Variants in EPS8L1 observed in about 807,000 individuals in gnomAD.
The protein encoded by EPS8L1 is epidermal growth factor receptor kinase substrate 8-like protein 1.
A neutral mutation model predicts 91.7 loss-of-function variants in EPS8L1; 101 were observed. The ratio of observed to expected loss-of-function variants is 1.10; its 90% CI spans 0.94 to 1.30. EPS8L1 has a LOEUF of 1.30. Ranked by LOEUF, EPS8L1 falls within the 50% of genes most tolerant of loss-of-function variation. The pLI is 0.00. For synonymous variants in EPS8L1, 506 were observed against 445.3 expected (o/e 1.14, Z -1.72); for missense variants, 1,114 against 1,017.0 (o/e 1.10, Z -1.30).
chr19:55,077,180 C>T (rs1187756384), intron 2 of EPS8L1, among the ~76,000 whole-genome samples: 7 of 152,164 alleles, frequency 4.6e-5, no homozygotes, highest in South Asian at 2.1e-4. Context: ...AAATTGAGGA[C>T]GGGAGGAGAC....
chr19:55,082,364 A>T lies in EPS8L1; in HGVS notation c.1065+15A>T. 6.2e-7 allele frequency: 1 copy of T among 1,612,598 alleles called. No individual in the cohort carries two copies. The highest frequency in any genetic ancestry group is 8.5e-7 in the Non-Finnish European group (1 of 1,179,798). On this transcript the variant is annotated intron_variant, in intron 11 of 19. Transcript: ENST00000201647. ...CTCTGCAGATGGTGAGACCCGCCCCAGGCCCTCGGGCCCCCCTGCAGCGGG... is the reference window on the plus strand; with the variant it reads ...CTCTGCAGATGGTGAGACCCGCCCCTGGCCCTCGGGCCCCCCTGCAGCGGG...
chr19:55,085,936 G>A lies in EPS8L1; in HGVS notation c.1481G>A (p.Ser494Asn). 1 of 1,613,728 alleles carries A rather than the reference G, an allele frequency of 6.2e-7. No homozygotes were observed. Among genetic ancestry groups the A allele is most frequent in the Non-Finnish European group, 8.5e-7 (1 of 1,179,708 alleles). ...LCNYDFQARNSSELSVKQRDV... is the reference protein window; with the variant it reads ...LCNYDFQARNNSELSVKQRDV... ...AATTATGACTTCCAGGCCCGCAACA[G>A]CAGTGAGCTGTCGGTCAAGCAGCGG... Residue 494 changes from serine (S) to asparagine (N), a missense_variant, in exon 15 of 20, where the codon AGC becomes AAC. Transcript: ENST00000201647.
intron 6 of EPS8L1, 171 bp downstream of exon 6, chr19:55,080,449 G>T: frequency 6.2e-7 from 1 of 1,611,480 alleles, no homozygotes; most frequent in Non-Finnish European, 8.5e-7. Flanking sequence ...TGGGGTTTGA[G>T]ATTGGACCCA....
chr19:55,086,691 A>G (rs746254398), intron 17 of EPS8L1, 23 bp from the exon 18 acceptor site: 55 of 1,497,510 alleles, frequency 3.7e-5, no homozygotes, highest in Admixed American at 1.5e-4. Context: ...CGCACTCCCT[A>G]CCTCCCGGTT....
At position 55,087,435 on chromosome 19, in the gene EPS8L1, G is replaced by T. The variant is rs771016968; in HGVS notation, c.2085G>T (p.Glu695Asp). ...TCACCGTGCAGCGCTCGCTGCTGGAGGTGAGCCGGACCGCTGGTCCCTGGG... is the reference window on the plus strand; with the variant it reads ...TCACCGTGCAGCGCTCGCTGCTGGATGTGAGCCGGACCGCTGGTCCCTGGG... ...SQVTVQRSLL[E>D]DKEKVSELEA... Residue 695 changes from glutamate (E) to aspartate (D), a missense_variant and splice_region_variant, in exon 19 of 20, where the codon GAG (glutamate) becomes GAT (aspartate). Physicochemically the swap from Glu to Asp is conservative, Grantham distance 45. Coordinates refer to ENST00000201647, the MANE Select transcript of EPS8L1 (RefSeq NM_133180.3). 1.2e-6 allele frequency: 2 copies of T among 1,614,040 alleles called. No homozygotes were observed. The highest frequency in any genetic ancestry group is 1.7e-6 in the Non-Finnish European group (2 of 1,180,024).
intron 4 of EPS8L1, 150 bp downstream of exon 4, chr19:55,079,207 C>T (rs1186207663): frequency 1.3e-6 from 1 of 774,488 alleles, no homozygotes; most frequent in Non-Finnish European, 2.2e-6. Context: ...GTTGCCTCAC[C>T]TCAGTCATGG....
Position 55,086,010 on chromosome 19 carries a change from C to T in EPS8L1, c.1518+37C>T, listed in dbSNP as rs754460890. ...GGGAGGCTGAGGGGCAGGAATTAGC[C>T]AGCCCTAGCTGCAGACAGGCTCTGA... On this transcript the variant is annotated intron_variant, in intron 15 of 19. Coordinates refer to ENST00000201647, the MANE Select transcript of EPS8L1 (RefSeq NM_133180.3). 3 of 1,602,304 alleles carry T rather than the reference C, an allele frequency of 1.9e-6. No individual in the cohort carries two copies. In the African/African-American group the frequency reaches 4.0e-5, roughly 21 times the overall value.
At position 55,086,835 on chromosome 19, in the gene EPS8L1, C is replaced by T. The variant is rs1220562906; in HGVS notation, c.1899C>T (p.Gly633=). Residue 633 remains glycine, a synonymous_variant, in exon 18 of 20, where the codon GGC becomes GGT. Coordinates refer to ENST00000201647, the MANE Select transcript of EPS8L1 (RefSeq NM_133180.3). ...CCCCGGAACCGCAGCTCAGCCCGGG[C>T]TCGGACGCCTCCGAGGTCCGCGCCT... ...PRAPEPQLSP[G]SDASEVRAWL... 5.2e-6 allele frequency: 8 copies of T among 1,539,408 alleles called. No individual in the cohort carries two copies. The highest frequency in any genetic ancestry group is 2.1e-5 in the Admixed American group (1 of 47,944).
intron 3 of EPS8L1, 77 bp from the exon 4 acceptor site, chr19:55,078,922 G>A (rs994321498): frequency 6.8e-7 from 1 of 1,473,354 alleles, no homozygotes; most frequent in South Asian, 1.1e-5. Flanking sequence ...GGAGGGGCTG[G>A]GGGCCTGGAC....
At chr19:55,076,284 G>A (rs975320958) in intron 1 of EPS8L1, 124 bp from the exon 2 acceptor site, 3 of 794,840 alleles carry the variant, frequency 3.8e-6, no homozygotes, top group African/African-American at 1.8e-5. Flanking sequence ...AGGGGCTGGG[G>A]GCCTGGACTC....
At chr19:55,086,643 G>GGGC in intron 17 of EPS8L1, 71 bp from the exon 18 acceptor site, 6 of 817,484 alleles carry the variant, frequency 7.3e-6, no homozygotes, top group South Asian at 1.8e-5. Context: ...GCGCCCCCCC[G>GGGC]CCCCGCCCTC....
intron 6 of EPS8L1, 126 bp downstream of exon 6, chr19:55,080,404 G>A (rs1373729140): frequency 6.3e-7 from 1 of 1,577,312 alleles, no homozygotes; most frequent in Non-Finnish European, 8.6e-7. Context: ...AGCAAGGAAG[G>A]GCAGGGGACC....
chr19:55,081,433 TC>T lies in EPS8L1; in HGVS notation c.719del (p.Pro240ArgfsTer22). ...GACCTCGAGCAACGCTGACTCGGCCTCCCCGGACCTGGGTCCCCGGGGTCCT... is the reference window on the plus strand; with the variant it reads ...GACCTCGAGCAACGCTGACTCGGCCTCCCGGACCTGGGTCCCCGGGGTCCT... ...VGTSSNADSA[S>X]PDLGPRGPDL... On this transcript the variant is annotated frameshift_variant, in exon 8 of 20. Transcript: ENST00000201647. LOFTEE classifies it high-confidence loss of function. This position sits in a 1 kb window ranked among gnomAD's most constrained non-coding sequence, Gnocchi z 4.9. The T allele has an allele frequency of 6.2e-7, 1 of 1,601,644 alleles. No homozygotes were observed.
Position 55,083,648 on chromosome 19 carries a change from A to G in EPS8L1, c.1385+4A>G, listed in dbSNP as rs575906720. The G allele has an allele frequency of 6.3e-7, 1 of 1,593,906 alleles. No individual in the cohort carries two copies. Among genetic ancestry groups the G allele is most frequent in the Admixed American group, 1.8e-5 (1 of 56,700 alleles). ...CCCCCCAGGTCGCTGTCAATGGGTGAGTGTCCGCCCCAGGGCAGGGCAAGG... is the reference window on the plus strand; with the variant it reads ...CCCCCCAGGTCGCTGTCAATGGGTGGGTGTCCGCCCCAGGGCAGGGCAAGG... On this transcript the variant is annotated splice_donor_region_variant and intron_variant, in intron 14 of 19. Transcript: ENST00000201647. This position sits in a 1 kb window ranked among gnomAD's most constrained non-coding sequence, Gnocchi z 4.7.
chr19:55,079,416 A>C (rs1458348383), intron 4 of EPS8L1, among the ~76,000 whole-genome samples: 1 of 152,110 alleles, frequency 6.6e-6, no homozygotes, highest in Non-Finnish European at 1.5e-5. Context: ...AGACCCGAGG[A>C]GGCATTTAGA....
In EPS8L1 at chr19:55,083,586, C is replaced by T. The variant is rs760046323; in HGVS notation, c.1357-30C>T. 2 of 1,594,830 alleles carry T rather than the reference C, an allele frequency of 1.3e-6. No individual in the cohort carries two copies. The highest frequency in any genetic ancestry group is 1.7e-6 in the Non-Finnish European group (2 of 1,171,038). ...GGGGCGCGGCCGGTCCGCCTGGCCC[C>T]GCCTGACCCGACTGTCTTACTTCCT... On this transcript the variant is annotated intron_variant, in intron 13 of 19. Coordinates refer to ENST00000201647, the MANE Select transcript of EPS8L1 (RefSeq NM_133180.3). This position sits in a 1 kb window ranked among gnomAD's most constrained non-coding sequence, Gnocchi z 4.7.
chr19:55,081,607 T>C lies in EPS8L1; in HGVS notation c.774+115T>C, dbSNP rs372074662. 8.1e-5 allele frequency: 46 copies of C among 568,570 alleles called. 2 individuals carry two copies. In the East Asian group the frequency reaches 9.0e-4, roughly 11 times the overall value. The allele number at this position is 568,570 out of a possible 1,614,324, so 35.2% of individuals were successfully genotyped here. A position where few individuals can be genotyped will look rare whatever the true frequency, so the allele number is the denominator to read the frequency against. On this transcript the variant is annotated intron_variant, in intron 8 of 19. Transcript: ENST00000201647. The surrounding 1 kb of genome is among the most constrained non-coding windows in gnomAD (Gnocchi z 4.9). The stretch of plus-strand genomic sequence containing the variant: ...GCGTTCTCTGGTCAGACTTCTGCGT[T>C]ATGGAAGAGGGGCTGGGTCGGGGGC...
chr19:55,086,448 T>C lies in EPS8L1; in HGVS notation c.1707T>C (p.Ala569=). 6.4e-7 allele frequency: 1 copy of C among 1,553,364 alleles called. No individual in the cohort carries two copies. Among genetic ancestry groups the C allele is most frequent in the Non-Finnish European group, 8.7e-7 (1 of 1,147,732 alleles). Reference sequence around the variant, plus strand: ...CCCCGGCCCCACCTCCAGCTCTGGCTCGGCCCCGCTGGGACAGGCCCCGCT... The same window carrying C: ...CCCCGGCCCCACCTCCAGCTCTGGCCCGGCCCCGCTGGGACAGGCCCCGCT... The part of the protein sequence containing the change: ...APAPAPPPAL[A]RPRWDRPRWD... Residue 569 remains alanine (A), a synonymous_variant, in exon 17 of 20, where the codon GCT becomes GCC. Coordinates refer to ENST00000201647, the MANE Select transcript of EPS8L1 (RefSeq NM_133180.3).
chr19:55,085,000 G>A (rs2076340485), intron 14 of EPS8L1, among the ~76,000 whole-genome samples: 1 of 152,114 alleles, frequency 6.6e-6, no homozygotes, highest in African/African-American at 2.4e-5. Flanking sequence ...CTGTGCCTCA[G>A]CTTCCTCCTC....
Sources: gnomAD v4.1 joint callset for allele counts (sites outside exome capture counted in the v4.1 genomes callset) on GRCh38, gnomAD v4.1.1 for gene constraint, Gnocchi (gnomAD v3.1) non-coding constraint, MANE v1.5 for transcripts, NCBI Gene and HGNC (gene_info 2026-07-23, HGNC 2026-07-21) for gene names.